The following PTK2 variants were observed in gnomAD, a reference collection of about 807,000 sequenced individuals.
PTK2 encodes protein tyrosine kinase 2.
A neutral mutation model predicts 150.1 loss-of-function variants in PTK2; 45 were observed. The ratio of observed to expected loss-of-function variants is 0.30; its 90% CI spans 0.24 to 0.38. The LOEUF (loss-of-function observed/expected upper bound fraction) is 0.38, where lower values mean the gene tolerates loss of function less well. Ranked by LOEUF, PTK2 falls within the 10% of genes least tolerant of loss-of-function variation. The pLI, the probability that PTK2 is intolerant of heterozygous loss-of-function variation, is 1.00. For synonymous variants in PTK2, 432 were observed against 449.2 expected, an observed-to-expected ratio of 0.96 and a Z score of 0.48; for missense variants, 919 against 1,307.3, an observed-to-expected ratio of 0.70 and a Z score of 4.58.
chr8:140,839,197 C>T (rs1275411211), intron 7 of PTK2, among the ~76,000 whole-genome samples: 7 of 152,026 alleles, frequency 4.6e-5, no homozygotes, highest in African/African-American at 1.4e-4. Context: ...GTTTCTGGAC[C>T]GACGGTACCT....
At chr8:140,736,852 A>G (rs2100052876) in intron 21 of PTK2, among the ~76,000 whole-genome samples, 1 of 152,216 alleles carries the variant, frequency 6.6e-6, no homozygotes. Context: ...AACAATGTAC[A>G]ATTGATGACT....
intron 2 of PTK2, among the ~76,000 whole-genome samples, chr8:140,923,924 C>A (rs1178225269): frequency 6.6e-6 from 1 of 152,214 alleles, no homozygotes; most frequent in Non-Finnish European, 1.5e-5. Context: ...CCGCCCTACA[C>A]TCTATTCACA....
chr8:140,845,749 T>A (rs911148757), intron 7 of PTK2, among the ~76,000 whole-genome samples: 5 of 152,172 alleles, frequency 3.3e-5, no homozygotes, highest in African/African-American at 9.7e-5. Flanking sequence ...AAAGATGAAG[T>A]ATAGGGTTTC....
chr8:140,893,052 G>A (rs923286147), intron 2 of PTK2, among the ~76,000 whole-genome samples: 3 of 152,220 alleles, frequency 2.0e-5, no homozygotes, highest in African/African-American at 7.2e-5. Flanking sequence ...TCATGGCTGG[G>A]CATAGTGGCT....
At chr8:140,823,787 T>C (rs1248459852) in intron 8 of PTK2, among the ~76,000 whole-genome samples, 1 of 152,230 alleles carries the variant, frequency 6.6e-6, no homozygotes, top group African/African-American at 2.4e-5. Flanking sequence ...TCTTGACTAG[T>C]AGCACTAGAC....
chr8:140,782,066 C>T (rs762295609), intron 14 of PTK2, among the ~76,000 whole-genome samples: 3 of 152,086 alleles, frequency 2.0e-5, no homozygotes, highest in Non-Finnish European at 4.4e-5. Context: ...GGAGTCTCTC[C>T]TAATACCAGA....
At chr8:140,834,561 G>A (rs1383959685) in intron 7 of PTK2, among the ~76,000 whole-genome samples, 1 of 152,178 alleles carries the variant, frequency 6.6e-6, no homozygotes, top group Non-Finnish European at 1.5e-5. Context: ...AAAGAAAAGA[G>A]AGGCTGTATT....
rs140398392 is a variant in PTK2 at position 140,834,463 on chromosome 8, T to C, written c.594-3937A>G. Among the ~76,000 whole-genome samples the C allele has an allele frequency of 3.9e-5, 6 of 152,316 alleles. No individual in the cohort carries two copies. The East Asian group carries it at 1.2e-3, about 29-fold the overall frequency. On this transcript the variant is annotated intron_variant, in intron 7 of 31. Transcript: ENST00000522684. ...ATACATAGCAGAGGGCTTCTAAGTA[T>C]TACCTTTCCTACTTCTCTCTCAGGA...
rs375677210 is a variant in PTK2 at position 140,938,134 on chromosome 8, C to T, written c.-121-12385G>A. On this transcript the variant is annotated intron_variant, in intron 1 of 31. Transcript: ENST00000522684. ...TTGTCTCCCCTCATGCAAAGAGAGACGATGCAAATAGAAGGCGTCCATCAC... is the reference window on the plus strand; with the variant it reads ...TTGTCTCCCCTCATGCAAAGAGAGATGATGCAAATAGAAGGCGTCCATCAC... Among the ~76,000 whole-genome samples, 9 of 152,222 alleles carry T rather than the reference C, an allele frequency of 5.9e-5. 1 individual carries two copies. Among genetic ancestry groups the T allele is most frequent in the Non-Finnish European group, 8.8e-5 (6 of 68,018 alleles).
At chr8:140,908,845 T>C (rs1233650204) in intron 2 of PTK2, among the ~76,000 whole-genome samples, 1 of 152,164 alleles carries the variant, frequency 6.6e-6, no homozygotes, top group Non-Finnish European at 1.5e-5. Context: ...ACATGCCAAA[T>C]TTCACTTAAT....
chr8:140,728,085 G>A (rs932604735), intron 22 of PTK2, among the ~76,000 whole-genome samples: 3 of 151,696 alleles, frequency 2.0e-5, no homozygotes, highest in African/African-American at 7.3e-5. Context: ...TGTAATCTCA[G>A]CTACTCGGCA....
chr8:140,947,913 A>G (rs2100178231), intron 1 of PTK2, among the ~76,000 whole-genome samples: 2 of 152,190 alleles, frequency 1.3e-5, no homozygotes, highest in Admixed American at 1.3e-4. Flanking sequence ...AAAAATCCCA[A>G]GGGGCTATTT....
At chr8:140,936,314 A>G (rs1483324667) in intron 1 of PTK2, among the ~76,000 whole-genome samples, 1 of 152,228 alleles carries the variant, frequency 6.6e-6, no homozygotes, top group Non-Finnish European at 1.5e-5. Flanking sequence ...GAGAAGACAA[A>G]CATGTACTGT....
At chr8:140,897,141 G>A (rs2100156629) in intron 2 of PTK2, among the ~76,000 whole-genome samples, 1 of 152,148 alleles carries the variant, frequency 6.6e-6, no homozygotes, top group Non-Finnish European at 1.5e-5. Flanking sequence ...TAAATACGGA[G>A]TATGTCGGGG....
intron 23 of PTK2, among the ~76,000 whole-genome samples, chr8:140,706,893 C>T (rs1382759556): frequency 6.6e-6 from 1 of 152,064 alleles, no homozygotes; most frequent in Non-Finnish European, 1.5e-5. Flanking sequence ...TAAACACAAA[C>T]ATGTACATGA....
chr8:140,693,309 T>A (rs1387325005), intron 26 of PTK2, among the ~76,000 whole-genome samples: 1 of 151,972 alleles, frequency 6.6e-6, no homozygotes, highest in Admixed American at 6.6e-5. Context: ...ATCCCAACAT[T>A]TTGTGAAGCC....
intron 22 of PTK2, chr8:140,734,929 T>C: frequency 2.3e-6 from 1 of 433,232 alleles, no homozygotes; most frequent in South Asian, 2.0e-5. Context: ...GAGACAGAGA[T>C]GGAGGGTTGT....
intron 3 of PTK2, among the ~76,000 whole-genome samples, chr8:140,885,509 A>T (rs1158574320): frequency 6.6e-6 from 1 of 152,222 alleles, no homozygotes; most frequent in Non-Finnish European, 1.5e-5. Flanking sequence ...GACGATGTCA[A>T]TAATAATGAT....
intron 2 of PTK2, among the ~76,000 whole-genome samples, chr8:140,894,462 T>C (rs2100155331): frequency 6.6e-6 from 1 of 152,208 alleles, no homozygotes; most frequent in Non-Finnish European, 1.5e-5. Flanking sequence ...TACAAAGTAT[T>C]AGGAAACACC....
Sources: allele counts gnomAD v4.1 joint callset (sites outside exome capture counted in the v4.1 genomes callset), GRCh38; gene constraint gnomAD v4.1.1; transcripts MANE v1.5; gene names NCBI Gene and HGNC (gene_info 2026-07-23, HGNC 2026-07-21).